The following NSMCE4A variants were observed in gnomAD, a reference collection of about 807,000 sequenced individuals.
NSMCE4A encodes the protein non-structural maintenance of chromosomes element 4 homolog A.
In NSMCE4A, 40 loss-of-function variants were observed where a neutral mutation model predicts 47.9. The ratio of observed to expected loss-of-function variants is 0.83; its 90% CI spans 0.65 to 1.09. The LOEUF (loss-of-function observed/expected upper bound fraction) is 1.09, where lower values mean the gene tolerates loss of function less well. Ranked by LOEUF, NSMCE4A falls within the 50% of genes least tolerant of loss-of-function variation. NSMCE4A has a pLI of 0.00. For synonymous variants in NSMCE4A, 166 were observed against 178.5 expected (o/e 0.93, Z 0.56); for missense variants, 500 against 507.0 (o/e 0.99, Z 0.13).
intron 4 of NSMCE4A, chr10:121,965,851 T>TG (rs1952596867): frequency 6.5e-6 from 1 of 153,580 alleles, no homozygotes; most frequent in African/African-American, 2.4e-5. Context: ...GTCACAGCCA[T>TG]GGGATTCCTT....
At chr10:121,967,834 C>T (rs753993022) in intron 3 of NSMCE4A, 28 bp from the exon 4 acceptor site, 4 of 1,593,804 alleles carry the variant, frequency 2.5e-6, no homozygotes, top group Non-Finnish European at 3.4e-6. Flanking sequence ...AACAAAAAAC[C>T]CAGTTAAGCC....
Position 121,974,947 on chromosome 10 carries a change from C to T in NSMCE4A, c.219G>A (p.Leu73=). The T allele has an allele frequency of 6.5e-7, 1 of 1,533,554 alleles. No homozygotes were observed. The highest frequency in any genetic ancestry group is 8.8e-7 in the Non-Finnish European group (1 of 1,142,412). The allele number at this position is 1,533,554 out of a possible 1,614,324, so 95.0% of individuals were successfully genotyped here. ...ACAGGCCTTGGTCGGCCTCCGCCTC[C>T]AAGCTGGCCGGGTCCATCATCTCGT... ...SGDEMMDPAS[L]EAEADQGLCR... Residue 73 remains leucine, a synonymous_variant, in exon 1 of 11, where the codon TTG becomes TTA. Coordinates refer to ENST00000369023, the MANE Select transcript of NSMCE4A (RefSeq NM_017615.3).
chr10:121,971,169 C>CAAAA, intron 2 of NSMCE4A, 100 bp from the exon 3 acceptor site: 1 of 498,992 alleles, frequency 2.0e-6, no homozygotes, highest in Non-Finnish European at 2.8e-6. Context: ...TCCCACTGGA[C>CAAAA]TAAAAAAAAA....
chr10:121,961,999 A>G (rs1470747778), intron 6 of NSMCE4A: 2 of 298,382 alleles, frequency 6.7e-6, no homozygotes, highest in Non-Finnish European at 1.3e-5. Context: ...AATCCCAGCT[A>G]CTCAGGAGGC....
intron 5 of NSMCE4A, among the ~76,000 whole-genome samples, chr10:121,963,558 G>A (rs1444471485): frequency 6.6e-6 from 1 of 151,312 alleles, no homozygotes; most frequent in African/African-American, 2.4e-5. Flanking sequence ...AGCTTCTTGA[G>A]TAGCTGGCAC....
At chr10:121,963,030 C>CA (rs897617425) in intron 6 of NSMCE4A, among the ~76,000 whole-genome samples, 4 of 151,552 alleles carry the variant, frequency 2.6e-5, no homozygotes, top group South Asian at 2.1e-4. Flanking sequence ...CATTTTGTAA[C>CA]AAAAAAAATC....
In NSMCE4A at chr10:121,975,109, C is replaced by T. The variant is rs1276197839; in HGVS notation, c.57G>A (p.Pro19=). The T allele has an allele frequency of 4.2e-6, 6 of 1,429,604 alleles. No individual in the cohort carries two copies. The highest frequency in any genetic ancestry group is 1.5e-5 in the African/African-American group (1 of 66,204). The allele number at this position is 1,429,604 out of a possible 1,614,324, so 88.6% of individuals were successfully genotyped here. A position where few individuals can be genotyped will look rare whatever the true frequency, so the allele number is the denominator to read the frequency against. ...AGCGGGAGCGGGTGCGATCCCGATGCGGGTCGCGGCCCCGGCCCCGGCCCT... is the reference window on the plus strand; with the variant it reads ...AGCGGGAGCGGGTGCGATCCCGATGTGGGTCGCGGCCCCGGCCCCGGCCCT... ...GPEGRGRGRD[P]HRDRTRSRSR... The change falls in exon 1 of 11, where the codon CCG becomes CCA. Residue 19 remains proline, a synonymous_variant. Transcript: ENST00000369023.
chr10:121,974,255 C>T, intron 1 of NSMCE4A, 174 bp from the exon 2 acceptor site: 3 of 1,420,030 alleles, frequency 2.1e-6, no homozygotes, highest in South Asian at 1.5e-5. Context: ...AAAGGCCACC[C>T]TACCCTTTAT....
chr10:121,974,749 C>G (rs1037090069), intron 1 of NSMCE4A, 125 bp downstream of exon 1: 1 of 1,159,208 alleles, frequency 8.6e-7, no homozygotes, highest in Non-Finnish European at 1.1e-6. Flanking sequence ...GCACCCGGCG[C>G]GTCTCTACTA....
intron 9 of NSMCE4A, 27 bp downstream of exon 9, chr10:121,959,474 A>G (rs1445029119): frequency 6.2e-7 from 1 of 1,608,104 alleles, no homozygotes; most frequent in Non-Finnish European, 8.5e-7. Context: ...AGTCAGAACT[A>G]TGCAGGGGCA....
At chr10:121,962,457 G>A (rs1448998938) in intron 6 of NSMCE4A, among the ~76,000 whole-genome samples, 2 of 151,368 alleles carry the variant, frequency 1.3e-5, no homozygotes, top group Admixed American at 1.3e-4. Context: ...CATTAATGGA[G>A]GATCTGTTAA....
chr10:121,974,234 C>T (rs1952772497), intron 1 of NSMCE4A, 153 bp from the exon 2 acceptor site: 1 of 1,399,448 alleles, frequency 7.1e-7, no homozygotes, highest in Non-Finnish European at 9.4e-7. Flanking sequence ...CAAAATGACC[C>T]GGAAAAGGAG....
chr10:121,965,236 G>T (rs1952584547), intron 5 of NSMCE4A, 50 bp downstream of exon 5: 1 of 1,324,964 alleles, frequency 7.5e-7, no homozygotes, highest in Non-Finnish European at 1.1e-6. Flanking sequence ...TATTTTAACA[G>T]CTATTTTAAC....
chr10:121,969,349 A>G (rs1952663496), intron 3 of NSMCE4A, among the ~76,000 whole-genome samples: 1 of 152,200 alleles, frequency 6.6e-6, no homozygotes, highest in Admixed American at 6.5e-5. Flanking sequence ...AGCCTGGGCA[A>G]CAAGAGCAAG....
intron 6 of NSMCE4A, chr10:121,962,039 G>A (rs538362151): frequency 3.3e-5 from 12 of 365,136 alleles, no homozygotes; most frequent in African/African-American, 2.2e-4. Flanking sequence ...GAATCCAGGA[G>A]GTGGAGGTTG....
At position 121,961,425 on chromosome 10, in the gene NSMCE4A, G is replaced by C; in HGVS notation, c.937C>G (p.Arg313Gly). The C allele has an allele frequency of 1.3e-6, 2 of 1,550,566 alleles. No homozygotes were observed. The highest frequency in any genetic ancestry group is 1.7e-6 in the Non-Finnish European group (2 of 1,152,628). The part of the protein sequence containing the change: ...ENIFHVSFII[R>G]DGFARIRLDQ... ...AGAAAAATAATCTTTAATCTTACCC[G>C]TATAATGAAGGAAACATGAAAGATG... Residue 313 changes from arginine (R) to glycine (G), a missense_variant and splice_region_variant, in exon 7 of 11, where the codon CGG (arginine) becomes GGG (glycine). Arg to Gly is a moderately radical substitution (Grantham distance 125, BLOSUM62 -2). Coordinates refer to ENST00000369023, the MANE Select transcript of NSMCE4A (RefSeq NM_017615.3).
At chr10:121,961,964 C>T (rs1340279073) in intron 6 of NSMCE4A, 2 of 249,938 alleles carry the variant, frequency 8.0e-6, no homozygotes, top group Non-Finnish European at 1.6e-5. Flanking sequence ...AAAAATTAGC[C>T]AGATGTGGTG....
At chr10:121,963,195 A>T (rs201578785) in intron 6 of NSMCE4A, 43 bp downstream of exon 6, 293 of 1,205,140 alleles carry the variant, frequency 2.4e-4, no homozygotes, top group Admixed American at 1.4e-3. Context: ...CTCAGTGAAC[A>T]GATAAATACA....
At chr10:121,969,905 G>C (rs1421564770) in intron 3 of NSMCE4A, among the ~76,000 whole-genome samples, 1 of 151,940 alleles carries the variant, frequency 6.6e-6, no homozygotes, top group Admixed American at 6.6e-5. Context: ...TAGTAGAGAC[G>C]GGCTTTCACC....
Sources: gnomAD v4.1 joint callset for allele counts (sites outside exome capture counted in the v4.1 genomes callset) on GRCh38, gnomAD v4.1.1 for gene constraint, MANE v1.5 for transcripts, NCBI Gene and HGNC (gene_info 2026-07-23, HGNC 2026-07-21) for gene names.